The following GLG1 variants were observed in gnomAD, a reference collection of about 807,000 sequenced individuals.
GLG1 encodes golgi glycoprotein 1.
In GLG1, 38 loss-of-function variants were observed where a neutral mutation model predicts 160.5. The ratio of observed to expected loss-of-function variants is 0.24; its 90% CI spans 0.18 to 0.31. The LOEUF (loss-of-function observed/expected upper bound fraction) is 0.31. Ranked by LOEUF, GLG1 falls within the 10% of genes least tolerant of loss-of-function variation. GLG1 has a pLI of 1.00. For synonymous variants in GLG1, 644 were observed against 543.4 expected, an observed-to-expected ratio of 1.19 and a Z score of -2.57; for missense variants, 1,373 against 1,505.2, an observed-to-expected ratio of 0.91 and a Z score of 1.45.
chr16:74,565,908 A>T (rs3923201), intron 1 of GLG1, among the ~76,000 whole-genome samples: 111,383 of 152,076 alleles, frequency 0.73, 41,250 homozygotes, highest in African/African-American at 0.84. Context: ...CGTCTTTGTT[A>T]CAGGATCCCA....
intron 1 of GLG1, among the ~76,000 whole-genome samples, chr16:74,534,048 G>A (rs2017618412): frequency 6.6e-6 from 1 of 152,014 alleles, no homozygotes; most frequent in Non-Finnish European, 1.5e-5. Context: ...GTAGGCATTA[G>A]CAACATACAA....
chr16:74,472,466 G>A (rs761144038), intron 13 of GLG1, 55 bp from the exon 14 acceptor site: 19 of 1,409,564 alleles, frequency 1.3e-5, no homozygotes, highest in Non-Finnish European at 1.9e-5. Flanking sequence ...CAGGGTGGAG[G>A]AGGAGCAGTT....
chr16:74,469,134 G>C, intron 16 of GLG1, 71 bp from the exon 17 acceptor site: 1 of 933,456 alleles, frequency 1.1e-6, no homozygotes, highest in Non-Finnish European at 1.8e-6. Flanking sequence ...TGGGCTTGGG[G>C]GGGGTCACAC....
intron 4 of GLG1, among the ~76,000 whole-genome samples, chr16:74,499,599 G>C (rs2016335072): frequency 2.0e-5 from 3 of 152,274 alleles, no homozygotes; most frequent in East Asian, 3.9e-4. Flanking sequence ...TACTCACACA[G>C]TGATCAACTT....
Position 74,528,811 on chromosome 16 carries a change from CAAAAAAAA to C in GLG1, c.471+3302_471+3309del, listed in dbSNP as rs35777516. On this transcript the variant is annotated intron_variant, in intron 2 of 25. Transcript: ENST00000422840. ...TCAGTGACAGAGCGAGATTCTGTCT[CAAAAAAAA>C]AAAAAAAAAAAAAAAAATTGTTAGG... 2.4e-4 allele frequency among the ~76,000 whole-genome samples: 15 copies of C among 62,806 alleles called. No individual in the cohort carries two copies. In the East Asian group the frequency reaches 4.0e-3, roughly 17 times the overall value. 41.2% of individuals were successfully genotyped at this position (62,806 alleles called of 152,430 possible).
At chr16:74,573,770 G>T (rs1190340516) in intron 1 of GLG1, among the ~76,000 whole-genome samples, 2 of 150,226 alleles carry the variant, frequency 1.3e-5, no homozygotes, top group Non-Finnish European at 3.0e-5. Flanking sequence ...TTACATGTGT[G>T]AGCCACCTGG....
At chr16:74,492,023 C>T (rs2016013398) in intron 7 of GLG1, among the ~76,000 whole-genome samples, 1 of 151,988 alleles carries the variant, frequency 6.6e-6, no homozygotes, top group Admixed American at 6.6e-5. Context: ...AATTTGAAGC[C>T]AAGTCTGACC....
At chr16:74,588,544 C>T (rs1567542490) in intron 1 of GLG1, among the ~76,000 whole-genome samples, 2 of 152,048 alleles carry the variant, frequency 1.3e-5, no homozygotes, top group South Asian at 2.1e-4. Flanking sequence ...CTCAGCCTCA[C>T]AAGTAGCCAG....
chr16:74,604,854 T>C (rs974632802), intron 1 of GLG1, among the ~76,000 whole-genome samples: 7 of 152,072 alleles, frequency 4.6e-5, no homozygotes, highest in Non-Finnish European at 8.8e-5. Context: ...ATCGAGACCA[T>C]CCTGGCCAAC....
At chr16:74,581,260 G>A (rs889456569) in intron 1 of GLG1, among the ~76,000 whole-genome samples, 2 of 152,056 alleles carry the variant, frequency 1.3e-5, no homozygotes, top group South Asian at 2.1e-4. Flanking sequence ...ATTAACAGAT[G>A]AACAGATAAA....
chr16:74,579,859 T>A lies in GLG1; in HGVS notation c.438+26798A>T, dbSNP rs185604896. Among the ~76,000 whole-genome samples, 13 of 151,260 alleles carry A rather than the reference T, an allele frequency of 8.6e-5. No homozygotes were observed. The East Asian group carries it at 2.6e-3, about 30-fold the overall frequency. ...GCAGGTGGATCACAAGGTCAAGAGA[T>A]AGAGACCATCCTGGCCAACATGGTG... On this transcript the variant is annotated intron_variant, in intron 1 of 25. Coordinates refer to ENST00000422840, the MANE Select transcript of GLG1 (RefSeq NM_001145667.2).
At chr16:74,593,073 G>T (rs185615427) in intron 1 of GLG1, among the ~76,000 whole-genome samples, 2 of 152,222 alleles carry the variant, frequency 1.3e-5, no homozygotes, top group Admixed American at 1.3e-4. Context: ...TCTGCCATGG[G>T]ATGATGCAGC....
chr16:74,492,916 A>C (rs1466667897), intron 7 of GLG1, 41 bp downstream of exon 7: 3 of 1,298,402 alleles, frequency 2.3e-6, no homozygotes, highest in African/African-American at 1.5e-5. Context: ...GAATCCAAAA[A>C]GGAACAGAAA....
At chr16:74,517,430 C>T (rs2017012079) in intron 2 of GLG1, among the ~76,000 whole-genome samples, 1 of 152,158 alleles carries the variant, frequency 6.6e-6, no homozygotes. Flanking sequence ...ATCACATAAA[C>T]AGAATCAGTA....
intron 25 of GLG1, 30 bp downstream of exon 25, chr16:74,456,619 T>C (rs960753428): frequency 7.0e-7 from 1 of 1,434,596 alleles, no homozygotes; most frequent in South Asian, 1.2e-5. Flanking sequence ...TTTTTGTTTT[T>C]TTAAAAAAGG....
chr16:74,474,257 G>A (rs562864114), intron 13 of GLG1: 1 of 272,048 alleles, frequency 3.7e-6, no homozygotes, highest in East Asian at 6.7e-5. Context: ...CGGCCGTACA[G>A]CTGCTATCTT....
intron 1 of GLG1, among the ~76,000 whole-genome samples, chr16:74,567,811 A>G (rs987286136): frequency 1.4e-5 from 2 of 145,464 alleles, no homozygotes; most frequent in African/African-American, 5.1e-5. Context: ...CTCATGATCC[A>G]CCCGCCTCGG....
intron 12 of GLG1, among the ~76,000 whole-genome samples, chr16:74,477,104 G>A (rs895546064): frequency 1.3e-5 from 2 of 152,200 alleles, no homozygotes; most frequent in Non-Finnish European, 2.9e-5. Context: ...GTAAGAGGCA[G>A]GCCATACCAT....
chr16:74,551,846 A>G (rs2143699742), intron 1 of GLG1, among the ~76,000 whole-genome samples: 1 of 151,896 alleles, frequency 6.6e-6, no homozygotes, highest in African/African-American at 2.4e-5. Context: ...GCACCTGCAG[A>G]TCCTTAAACG....
Sources: allele counts gnomAD v4.1 joint callset (sites outside exome capture counted in the v4.1 genomes callset), GRCh38; gene constraint gnomAD v4.1.1; transcripts MANE v1.5; gene names NCBI Gene and HGNC (gene_info 2026-07-23, HGNC 2026-07-21).